The following MED16 variants were observed in gnomAD, a reference collection of about 807,000 sequenced individuals.
MED16 encodes mediator of RNA polymerase II transcription subunit 16.
MED16 carries 81 observed loss-of-function variants against 84.4 expected under a neutral mutation model. That is an observed-to-expected ratio of 0.96 (90% CI 0.80 to 1.15). The LOEUF is 1.15. MED16 is among the 50% of genes most tolerant of loss of function. MED16 has a pLI of 0.00. For missense variants in MED16, 1,585 were observed against 1,245.9 expected (o/e 1.27, Z -4.10); for synonymous variants, 897 against 552.2 (o/e 1.62, Z -8.76).
At chr19:872,977 C>T (rs1229950366) in intron 11 of MED16, 1 of 258,772 alleles carries the variant, frequency 3.9e-6, no homozygotes, top group Non-Finnish European at 5.4e-6. Context: ...GGCAGGGCTC[C>T]GAGGTGGGGG....
At chr19:884,668 G>A (rs910212869) in intron 6 of MED16, among the ~76,000 whole-genome samples, 4 of 152,204 alleles carry the variant, frequency 2.6e-5, no homozygotes, top group African/African-American at 4.8e-5. Context: ...AATGGTGGCA[G>A]CCGCCGCAGC....
intron 3 of MED16, 145 bp from the exon 4 acceptor site, chr19:889,952 A>G: frequency 1.0e-6 from 1 of 1,004,390 alleles, no homozygotes; most frequent in East Asian, 2.6e-5. Context: ...GGCGCACTCC[A>G]GAGATGCCCT....
At chr19:872,196 G>T in intron 11 of MED16, 78 bp from the exon 12 acceptor site, 1 of 1,289,024 alleles carries the variant, frequency 7.8e-7, no homozygotes, top group Non-Finnish European at 1.1e-6. Context: ...GGGGTCGGTG[G>T]AACCCCGACC....
chr19:868,361 G>C (rs1568315916), intron 15 of MED16, 55 bp downstream of exon 15: 1 of 1,596,612 alleles, frequency 6.3e-7, no homozygotes, highest in Non-Finnish European at 8.5e-7. Flanking sequence ...AGTAGCTGAG[G>C]GGCAGCTGGG....
intron 6 of MED16, among the ~76,000 whole-genome samples, chr19:884,013 G>C (rs1203282862): frequency 6.6e-6 from 1 of 152,124 alleles, no homozygotes; most frequent in Admixed American, 6.5e-5. Flanking sequence ...ATGGGCAGTT[G>C]ACATAACCAC....
intron 8 of MED16, 118 bp from the exon 9 acceptor site, chr19:877,298 G>T (rs896959557): frequency 4.7e-6 from 4 of 843,100 alleles, no homozygotes; most frequent in Admixed American, 2.4e-5. Context: ...GCACGCCCGT[G>T]TGTGGGCCTG....
chr19:880,174 C>A (rs895213044), intron 7 of MED16, 26 bp from the exon 8 acceptor site: 2 of 1,593,948 alleles, frequency 1.3e-6, no homozygotes, highest in Non-Finnish European at 1.7e-6. Flanking sequence ...ACTGCTTAGA[C>A]ATGGGCAGGG....
rs1237657248 is a variant in MED16, at chr19:885,757, T to C, written c.879+13A>G. 3 of 1,601,294 alleles carry C rather than the reference T, an allele frequency of 1.9e-6. No individual in the cohort carries two copies. Among genetic ancestry groups the C allele is most frequent in the Non-Finnish European group, 1.7e-6 (2 of 1,177,574 alleles). On this transcript the variant is annotated intron_variant, in intron 5 of 15. Transcript: ENST00000325464. ...AAGCCTGCCAGCCCACGTGATGGCC[T>C]GCGCCCGTTCACCTGCTCCGACATG... is the stretch of plus-strand genomic sequence containing the variant.
chr19:878,227 G>T (rs373989880), intron 8 of MED16, among the ~76,000 whole-genome samples: 3 of 71,184 alleles, frequency 4.2e-5, no homozygotes, highest in South Asian at 5.0e-4. Context: ...GGTTGTCAAT[G>T]CCCACCAGCC....
Position 876,950 on chromosome 19 carries a change from GCCCCACCTGCCACGGGC to G in MED16, c.1560+7_1560+23del, listed in dbSNP as rs748492712. ...CCACAGGGCCCCCACCTGCCACGGG[GCCCCACCTGCCACGGGC>G]CCCCACCTGCTGCAGGGCAGCGGTC... On this transcript the variant is annotated splice_region_variant and intron_variant, in intron 9 of 15. Transcript: ENST00000325464. The G allele has an allele frequency of 2.0e-4, 306 of 1,511,738 alleles. No homozygotes were observed. The highest frequency in any genetic ancestry group is 1.1e-3 in the African/African-American group (72 of 67,644). 93.6% of individuals were successfully genotyped at this position (1,511,738 alleles called of 1,614,324 possible).
intron 4 of MED16, among the ~76,000 whole-genome samples, chr19:887,475 G>A (rs2036549951): frequency 6.6e-6 from 1 of 151,994 alleles, no homozygotes; most frequent in Admixed American, 6.6e-5. Flanking sequence ...ACACCATCCT[G>A]GCCAAGATAG....
chr19:878,225 A>C (rs2036310325), intron 8 of MED16, among the ~76,000 whole-genome samples: 1 of 104,316 alleles, frequency 9.6e-6, no homozygotes, highest in Non-Finnish European at 1.9e-5. Context: ...CTGGTTGTCA[A>C]TGCCCACCAG....
At chr19:891,253 G>C in intron 1 of MED16, 104 bp from the exon 2 acceptor site, 4 of 1,180,784 alleles carry the variant, frequency 3.4e-6, no homozygotes, top group Non-Finnish European at 4.7e-6. Flanking sequence ...GTGGTAGAGG[G>C]AACAGCCGAT....
Position 868,080 on chromosome 19 carries a change from G to A in MED16, c.*21C>T, listed in dbSNP as rs764334049. On this transcript the variant is annotated 3_prime_UTR_variant, in exon 16 of 16. Transcript: ENST00000325464. ...GACGCCCGAGCCGGGTCACCACAAG[G>A]TCCGCCTGGACCCCCGGCCGTCACG... The A allele has an allele frequency of 1.3e-6, 2 of 1,592,740 alleles. No homozygotes were observed. Among genetic ancestry groups the A allele is most frequent in the Non-Finnish European group, 1.7e-6 (2 of 1,172,984 alleles).
Position 871,080 on chromosome 19 carries a change from G to C in MED16, c.2272C>G (p.Leu758Val). Residue 758 changes from leucine (L) to valine (V), a missense_variant, in exon 13 of 16, where the codon CTG becomes GTG. Physicochemically the swap from Leu to Val is conservative, Grantham distance 32. Coordinates refer to ENST00000325464, the MANE Select transcript of MED16 (RefSeq NM_005481.3). Reference protein sequence around the residue: ...LRLQFGRAPTLPGSAATLQLD... With the variant: ...LRLQFGRAPTVPGSAATLQLD... Reference sequence around the variant, plus strand: ...TGCAGGGTGGCAGCACTGCCAGGCAGCGTGGGCGCCCGGCCAAACTGCAGA... The same window carrying C: ...TGCAGGGTGGCAGCACTGCCAGGCACCGTGGGCGCCCGGCCAAACTGCAGA... 6.5e-7 allele frequency: 1 copy of C among 1,547,746 alleles called. No individual in the cohort carries two copies. The highest frequency in any genetic ancestry group is 8.7e-7 in the Non-Finnish European group (1 of 1,145,468).
intron 10 of MED16, among the ~76,000 whole-genome samples, chr19:874,250 AC>A (rs1244733647): frequency 1.3e-5 from 2 of 152,002 alleles, no homozygotes; most frequent in African/African-American, 4.8e-5. Flanking sequence ...AGTAGCTGGG[AC>A]TACAGGCGCC....
At chr19:870,718 G>A (rs995773064) in intron 13 of MED16, among the ~76,000 whole-genome samples, 42 of 151,996 alleles carry the variant, frequency 2.8e-4, no homozygotes, top group African/African-American at 9.6e-4. Flanking sequence ...AGAACATGGA[G>A]GGAAGGAGCC....
intron 8 of MED16, 71 bp from the exon 9 acceptor site, chr19:877,251 C>A: frequency 3.4e-6 from 5 of 1,473,420 alleles, no homozygotes; most frequent in Non-Finnish European, 3.7e-6. Flanking sequence ...AGGAATGGGG[C>A]CCTGGGGCTG....
intron 2 of MED16, 31 bp from the exon 3 acceptor site, chr19:890,275 T>C: frequency 7.0e-7 from 1 of 1,422,326 alleles, no homozygotes; most frequent in Non-Finnish European, 9.5e-7. Flanking sequence ...CAGCACGGCC[T>C]GGCACCACAG....
Sources: allele counts gnomAD v4.1 joint callset (sites outside exome capture counted in the v4.1 genomes callset), GRCh38; gene constraint gnomAD v4.1.1; transcripts MANE v1.5; gene names NCBI Gene and HGNC (gene_info 2026-07-23, HGNC 2026-07-21).